The following ST3GAL6 variants were observed in gnomAD, a reference collection of about 807,000 sequenced individuals.
ST3GAL6 encodes the protein ST3 beta-galactoside alpha-2,3-sialyltransferase 6.
Under a neutral mutation model 40.5 loss-of-function variants are expected in ST3GAL6, and 31 were observed. The ratio of observed to expected loss-of-function variants is 0.77; its 90% CI spans 0.58 to 1.03. ST3GAL6 has a LOEUF of 1.03. Ranked by LOEUF, ST3GAL6 falls within the 50% of genes least tolerant of loss-of-function variation. The pLI is 0.00. For missense variants in ST3GAL6, 357 were observed against 393.2 expected, an observed-to-expected ratio of 0.91 and a Z score of 0.78; for synonymous variants, 129 against 136.9, an observed-to-expected ratio of 0.94 and a Z score of 0.40.
intron 1 of ST3GAL6, among the ~76,000 whole-genome samples, chr3:98,747,948 G>A (rs1936692455): frequency 1.3e-5 from 2 of 152,264 alleles, no homozygotes; most frequent in Non-Finnish European, 2.9e-5. Flanking sequence ...TTTCAGAAGA[G>A]ATGGTTATTT....
chr3:98,791,963 T>C lies in ST3GAL6; in HGVS notation c.879T>C (p.Tyr293=). 1.2e-6 allele frequency: 2 copies of C among 1,613,848 alleles called. No homozygotes were observed. The highest frequency in any genetic ancestry group is 1.1e-5 in the South Asian group (1 of 91,016). ...FSDLKSPLHY[Y]GNATMSLMNK... ...ACCTCAAGAGTCCTTTGCACTACTA[T>C]GGGAATGCCACCATGTCTTTGATGA... The change falls in exon 9 of 10, where the codon TAT becomes TAC. Residue 293 remains tyrosine (Y), a synonymous_variant. Coordinates refer to ENST00000483910, the MANE Select transcript of ST3GAL6 (RefSeq NM_001323368.2).
intron 6 of ST3GAL6, 105 bp downstream of exon 6, chr3:98,785,145 G>GT (rs949790774): frequency 0.045 from 27,932 of 616,306 alleles, no homozygotes; most frequent in East Asian, 0.068. Context: ...TTTCCATTTG[G>GT]TTTTTTTTTT....
intron 1 of ST3GAL6, among the ~76,000 whole-genome samples, chr3:98,767,186 T>C (rs1380504614): frequency 1.3e-5 from 2 of 152,174 alleles, no homozygotes; most frequent in Non-Finnish European, 2.9e-5. Flanking sequence ...CAGATAATCA[T>C]GCCAGTTTAG....
chr3:98,782,090 A>G (rs1940184881), intron 5 of ST3GAL6: 1 of 612,110 alleles, frequency 1.6e-6, no homozygotes, highest in South Asian at 2.0e-5. Flanking sequence ...CTCCCATCTC[A>G]GCCATACTAC....
At chr3:98,764,926 G>T (rs2107132038) in intron 1 of ST3GAL6, among the ~76,000 whole-genome samples, 1 of 152,314 alleles carries the variant, frequency 6.6e-6, no homozygotes, top group South Asian at 2.1e-4. Flanking sequence ...AAAGCATCTA[G>T]TTATGGGATC....
chr3:98,768,168 G>A (rs544576304), intron 1 of ST3GAL6, among the ~76,000 whole-genome samples: 39 of 152,250 alleles, frequency 2.6e-4, no homozygotes, highest in African/African-American at 8.2e-4. Flanking sequence ...AGTAGTAGGG[G>A]GAGGCCCCTA....
chr3:98,736,696 G>A (rs1429687216), intron 1 of ST3GAL6, among the ~76,000 whole-genome samples: 1 of 152,186 alleles, frequency 6.6e-6, no homozygotes, highest in Non-Finnish European at 1.5e-5. Context: ...AACAAGAGAT[G>A]TTCTTGTGGG....
At chr3:98,738,882 A>T (rs1203172228) in intron 1 of ST3GAL6, among the ~76,000 whole-genome samples, 4 of 152,240 alleles carry the variant, frequency 2.6e-5, no homozygotes, top group African/African-American at 4.8e-5. Context: ...TCTCCACCAC[A>T]AAATGACAGA....
At chr3:98,743,544 T>C (rs1043248060) in intron 1 of ST3GAL6, among the ~76,000 whole-genome samples, 6 of 152,138 alleles carry the variant, frequency 3.9e-5, no homozygotes, top group African/African-American at 1.2e-4. Context: ...TCTTCTCTAA[T>C]GTTTTGTAAA....
At position 98,790,249 on chromosome 3, in the gene ST3GAL6, G is replaced by A. The variant is rs72934618; in HGVS notation, c.757-1592G>A. ...CAGAAAGAAACACTGATGATGAGGG[G>A]AGAAAGTAGTTAAGTACAGAAGTAA... On this transcript the variant is annotated intron_variant, in intron 8 of 9. Transcript: ENST00000483910. Among the ~76,000 whole-genome samples, 1,113 of 152,292 alleles carry A rather than the reference G, an allele frequency of 7.3e-3. 11 individuals carry two copies. The highest frequency in any genetic ancestry group is 0.026 in the African/African-American group (1,064 of 41,546).
chr3:98,770,803 G>A (rs1938895298), intron 2 of ST3GAL6, 76 bp from the exon 3 acceptor site: 1 of 1,284,574 alleles, frequency 7.8e-7, no homozygotes, highest in Non-Finnish European at 1.1e-6. Context: ...GCATGAATGA[G>A]TTCCCAGGGC....
At chr3:98,750,438 GTTAGA>G (rs1016330952) in intron 1 of ST3GAL6, among the ~76,000 whole-genome samples, 31 of 124,922 alleles carry the variant, frequency 2.5e-4, no homozygotes, top group African/African-American at 8.5e-4. Flanking sequence ...AAATAATGTA[GTTAGA>G]AGACTCTGTA....
At chr3:98,784,407 C>G (rs1478705312) in intron 5 of ST3GAL6, 1 of 153,362 alleles carries the variant, frequency 6.5e-6, no homozygotes, top group Non-Finnish European at 1.5e-5. Context: ...GAAAACTGCA[C>G]TTTTCTCACC....
chr3:98,775,978 C>T (rs1400687221), intron 5 of ST3GAL6, among the ~76,000 whole-genome samples: 1 of 152,148 alleles, frequency 6.6e-6, no homozygotes, highest in Admixed American at 6.5e-5. Context: ...TGTAGGATCC[C>T]CACAGAGGGA....
chr3:98,743,731 C>T (rs879301168), intron 1 of ST3GAL6, among the ~76,000 whole-genome samples: 2 of 152,212 alleles, frequency 1.3e-5, no homozygotes, highest in Admixed American at 6.5e-5. Flanking sequence ...TTACTACTCA[C>T]ATGTAACCAC....
chr3:98,743,284 G>T (rs1338540638), intron 1 of ST3GAL6, among the ~76,000 whole-genome samples: 2 of 151,180 alleles, frequency 1.3e-5, no homozygotes, highest in Non-Finnish European at 2.9e-5. Flanking sequence ...GCCTCGCAAA[G>T]TGCTAGGATT....
chr3:98,733,052 G>T, intron 1 of ST3GAL6: 9 of 1,415,110 alleles, frequency 6.4e-6, no homozygotes, highest in Non-Finnish European at 8.3e-6. Flanking sequence ...GTCTGGGCCG[G>T]GGTCCGGGCG....
chr3:98,781,223 C>T (rs1478910560), intron 5 of ST3GAL6, among the ~76,000 whole-genome samples: 2 of 152,112 alleles, frequency 1.3e-5, no homozygotes, highest in African/African-American at 4.8e-5. Flanking sequence ...CAAACTAACA[C>T]AGGAACAGAA....
intron 2 of ST3GAL6, among the ~76,000 whole-genome samples, chr3:98,769,675 G>A (rs752360881): frequency 6.6e-6 from 1 of 152,200 alleles, no homozygotes; most frequent in Admixed American, 6.5e-5. Flanking sequence ...CATTACTATA[G>A]TCACAGCAAG....
Sources: gnomAD v4.1 joint callset for allele counts (sites outside exome capture counted in the v4.1 genomes callset) on GRCh38, gnomAD v4.1.1 for gene constraint, MANE v1.5 for transcripts, NCBI Gene and HGNC (gene_info 2026-07-23, HGNC 2026-07-21) for gene names.